The following B3GALT1 variants were observed in gnomAD, a reference collection of about 807,000 sequenced individuals.
The protein encoded by B3GALT1 is UDP-Gal:betaGlcNAc beta 1,3-galactosyltransferase, polypeptide 1.
In B3GALT1, 10 loss-of-function variants were observed where a neutral mutation model predicts 23.2. That is an observed-to-expected ratio of 0.43 (90% confidence interval 0.27 to 0.73). B3GALT1 has a LOEUF of 0.73. B3GALT1 is among the 30% of genes least tolerant of loss of function. The probability of loss-of-function intolerance (pLI) is 0.21; values close to 1 mark genes in which losing one functional copy is unlikely to be tolerated. For synonymous variants in B3GALT1, 156 were observed against 141.5 expected (o/e 1.10, Z -0.73); for missense variants, 299 against 405.4 (o/e 0.74, Z 2.25).
chr2:167,404,308 C>T (rs1354707203), intron 1 of B3GALT1, among the ~76,000 whole-genome samples: 2 of 152,124 alleles, frequency 1.3e-5, no homozygotes, highest in Non-Finnish European at 2.9e-5. Flanking sequence ...ACCACCCCCC[C>T]ATTAGGCCCC....
chr2:167,659,317 T>A (rs190315613), intron 3 of B3GALT1, among the ~76,000 whole-genome samples: 1 of 152,074 alleles, frequency 6.6e-6, no homozygotes, highest in African/African-American at 2.4e-5. Context: ...TTCTGTTATG[T>A]TCCTTTGGCT....
At chr2:167,400,507 C>T (rs1462910883) in intron 1 of B3GALT1, among the ~76,000 whole-genome samples, 2 of 152,004 alleles carry the variant, frequency 1.3e-5, no homozygotes, top group Non-Finnish European at 2.9e-5. Context: ...TTCCTATCTG[C>T]TTTGCCAGCT....
intron 2 of B3GALT1, among the ~76,000 whole-genome samples, chr2:167,578,563 A>G (rs540717213): frequency 1.3e-5 from 2 of 151,886 alleles, no homozygotes; most frequent in South Asian, 4.2e-4. Flanking sequence ...ACCTTTGAAA[A>G]TGTAGCCCAG....
intron 1 of B3GALT1, among the ~76,000 whole-genome samples, chr2:167,394,238 A>T (rs895031251): frequency 6.6e-6 from 1 of 152,210 alleles, no homozygotes; most frequent in Non-Finnish European, 1.5e-5. Flanking sequence ...TATGCCTTCT[A>T]CTGATTTAAA....
At chr2:167,736,233 T>C (rs181826664) in intron 3 of B3GALT1, among the ~76,000 whole-genome samples, 90 of 152,316 alleles carry the variant, frequency 5.9e-4, no homozygotes, top group African/African-American at 2.0e-3. Flanking sequence ...AAAATTATAT[T>C]TTAGTGCCAC....
intron 1 of B3GALT1, among the ~76,000 whole-genome samples, chr2:167,447,769 C>A (rs1699023491): frequency 6.6e-6 from 1 of 152,138 alleles, no homozygotes; most frequent in Admixed American, 6.5e-5. Flanking sequence ...TCACAGCTTC[C>A]CTTGTCTAGG....
chr2:167,336,311 G>A (rs1190579946), intron 1 of B3GALT1, among the ~76,000 whole-genome samples: 2 of 152,114 alleles, frequency 1.3e-5, no homozygotes, highest in Non-Finnish European at 1.5e-5. Flanking sequence ...GGGCATTGGT[G>A]TTCATGCTTG....
At chr2:167,683,351 C>T (rs556111012) in intron 3 of B3GALT1, among the ~76,000 whole-genome samples, 48 of 152,322 alleles carry the variant, frequency 3.2e-4, no homozygotes, top group African/African-American at 1.1e-3. Flanking sequence ...AGCCCTGCCC[C>T]TCTGCAGTAC....
intron 4 of B3GALT1, among the ~76,000 whole-genome samples, chr2:167,868,360 A>G (rs979804529): frequency 6.6e-6 from 1 of 152,194 alleles, no homozygotes; most frequent in Non-Finnish European, 1.5e-5. Flanking sequence ...GGAAATGTTG[A>G]GAATCAATTC....
rs80126924 is a variant in B3GALT1 at position 167,615,938 on chromosome 2, G to A, written c.-409-30971G>A. On this transcript the variant is annotated intron_variant, in intron 2 of 4. Transcript: ENST00000392690. The stretch of plus-strand genomic sequence containing the variant: ...GTGGTGAAGCCAGAATTTGAACCCA[G>A]CACACAGGTAGATTGGCTGTTGAGA... Among the ~76,000 whole-genome samples the A allele has an allele frequency of 9.4e-3, 1,424 of 152,142 alleles. 15 individuals are homozygous for A. Among genetic ancestry groups the A allele is most frequent in the South Asian group, 0.034 (163 of 4,826 alleles).
At chr2:167,361,716 A>C (rs1240901114) in intron 1 of B3GALT1, among the ~76,000 whole-genome samples, 1 of 152,062 alleles carries the variant, frequency 6.6e-6, no homozygotes, top group Non-Finnish European at 1.5e-5. Context: ...ACCAATCAAC[A>C]CTTATTCCTG....
intron 3 of B3GALT1, among the ~76,000 whole-genome samples, chr2:167,807,445 G>C (rs965497214): frequency 4.0e-5 from 6 of 151,812 alleles, no homozygotes; most frequent in African/African-American, 1.5e-4. Flanking sequence ...TTCTCTTGTG[G>C]GCATTTAGTG....
intron 1 of B3GALT1, among the ~76,000 whole-genome samples, chr2:167,358,663 A>G (rs1441580221): frequency 6.6e-6 from 1 of 152,052 alleles, no homozygotes; most frequent in African/African-American, 2.4e-5. Flanking sequence ...ATTTGAATTA[A>G]CACTATATAC....
intron 2 of B3GALT1, among the ~76,000 whole-genome samples, chr2:167,513,303 A>C (rs975477250): frequency 2.0e-5 from 3 of 152,188 alleles, no homozygotes; most frequent in Non-Finnish European, 2.9e-5. Context: ...TTGCTATCAC[A>C]GCTTCGATTT....
intron 2 of B3GALT1, among the ~76,000 whole-genome samples, chr2:167,509,987 A>G (rs1246254698): frequency 6.6e-6 from 1 of 152,204 alleles, no homozygotes; most frequent in Non-Finnish European, 1.5e-5. Context: ...GAGAAGCGAG[A>G]AAAGTAGGAG....
At chr2:167,821,615 A>C (rs893072267) in intron 4 of B3GALT1, among the ~76,000 whole-genome samples, 1 of 151,802 alleles carries the variant, frequency 6.6e-6, no homozygotes. Flanking sequence ...TTATATTTTT[A>C]GTAAAGACAG....
chr2:167,294,646 C>G (rs1263251704), intron 1 of B3GALT1, among the ~76,000 whole-genome samples: 2 of 152,304 alleles, frequency 1.3e-5, no homozygotes, highest in East Asian at 1.9e-4. Flanking sequence ...GGAGCTCTCC[C>G]CACTGTCTCA....
At chr2:167,482,900 C>T (rs1017528234) in intron 1 of B3GALT1, among the ~76,000 whole-genome samples, 17 of 152,244 alleles carry the variant, frequency 1.1e-4, no homozygotes, top group African/African-American at 3.6e-4. Context: ...ATAATTATAA[C>T]GCAGTGTGCT....
chr2:167,772,791 A>C (rs1297316583), intron 3 of B3GALT1, among the ~76,000 whole-genome samples: 2 of 152,222 alleles, frequency 1.3e-5, no homozygotes, highest in Non-Finnish European at 2.9e-5. Flanking sequence ...AGCTCATATA[A>C]ACATATCCAG....
Sources: allele counts gnomAD v4.1 joint callset (sites outside exome capture counted in the v4.1 genomes callset), GRCh38; gene constraint gnomAD v4.1.1; transcripts MANE v1.5; gene names NCBI Gene and HGNC (gene_info 2026-07-23, HGNC 2026-07-21).